Variants in TENT4A observed in about 807,000 individuals in gnomAD.
TENT4A encodes terminal nucleotidyltransferase 4A, also known as DNA polymerase kappa.
TENT4A carries 7 observed loss-of-function variants against 72.8 expected under a neutral mutation model. The ratio of observed to expected loss-of-function variants is 0.10; its 90% CI spans 0.05 to 0.18. The LOEUF (loss-of-function observed/expected upper bound fraction) is 0.18. Ranked by LOEUF, TENT4A falls within the 10% of genes least tolerant of loss-of-function variation. The pLI, the probability that TENT4A is intolerant of heterozygous loss-of-function variation, is 1.00. For synonymous variants in TENT4A, 456 were observed against 434.3 expected (o/e 1.05, Z -0.62); for missense variants, 831 against 1,017.7 (o/e 0.82, Z 2.50).
At chr5:6,738,278 G>A (rs2126633984) in intron 2 of TENT4A, among the ~76,000 whole-genome samples, 1 of 152,192 alleles carries the variant, frequency 6.6e-6, no homozygotes, top group South Asian at 2.1e-4. Context: ...GTGGGCAAGG[G>A]CAACCCAGTT....
chr5:6,743,894 C>T, intron 6 of TENT4A, 54 bp downstream of exon 6: 2 of 1,559,866 alleles, frequency 1.3e-6, no homozygotes, highest in Non-Finnish European at 1.7e-6. Flanking sequence ...AGAGTAGACT[C>T]TTCCAACCAG....
At chr5:6,722,825 A>G (rs1740727311) in intron 1 of TENT4A, among the ~76,000 whole-genome samples, 1 of 152,354 alleles carries the variant, frequency 6.6e-6, no homozygotes, top group Middle Eastern at 3.4e-3. Context: ...GCCAGGGAAC[A>G]TTAAGTAGGC....
At chr5:6,744,685 A>G (rs4702385) in intron 6 of TENT4A, among the ~76,000 whole-genome samples, 12,170 of 152,246 alleles carry the variant, frequency 0.08, 719 homozygotes, top group African/African-American at 0.16. Flanking sequence ...GATGCTTTAA[A>G]AGTAGTGAAA....
chr5:6,735,707 G>A (rs1741443129), intron 1 of TENT4A, among the ~76,000 whole-genome samples: 2 of 151,862 alleles, frequency 1.3e-5, no homozygotes, highest in Admixed American at 1.3e-4. Context: ...GTTAACAGCT[G>A]GACTGGTGGC....
At chr5:6,737,407 G>T in intron 1 of TENT4A, 103 bp from the exon 2 acceptor site, 3 of 1,049,060 alleles carry the variant, frequency 2.9e-6, no homozygotes, top group Non-Finnish European at 4.1e-6. Context: ...ACTGAATTTC[G>T]TGGCCAGAAA....
chr5:6,732,684 T>G (rs973168019), intron 1 of TENT4A, among the ~76,000 whole-genome samples: 1 of 152,220 alleles, frequency 6.6e-6, no homozygotes, highest in South Asian at 2.1e-4. Context: ...TAGGAAATAA[T>G]GCTTCAGAAT....
chr5:6,731,819 G>A (rs879823122), intron 1 of TENT4A, among the ~76,000 whole-genome samples: 1 of 152,172 alleles, frequency 6.6e-6, no homozygotes, highest in Non-Finnish European at 1.5e-5. Context: ...CTTAAAAGAA[G>A]CTACTGGATT....
intron 10 of TENT4A, 102 bp from the exon 11 acceptor site, chr5:6,750,937 A>G (rs1742365326): frequency 5.3e-6 from 7 of 1,312,216 alleles, no homozygotes; most frequent in Non-Finnish European, 7.5e-6. Context: ...ATAACCTTTC[A>G]TAGCCAGCCT....
intron 1 of TENT4A, among the ~76,000 whole-genome samples, chr5:6,725,851 A>G (rs1429421740): frequency 2.0e-5 from 3 of 152,196 alleles, no homozygotes; most frequent in Non-Finnish European, 4.4e-5. Flanking sequence ...TAAATTTGCC[A>G]AATTATTAAT....
intron 10 of TENT4A, 124 bp downstream of exon 10, chr5:6,750,627 G>C (rs1168828027): frequency 1.1e-6 from 1 of 903,458 alleles, no homozygotes; most frequent in African/African-American, 1.7e-5. Context: ...GTATGTGTGT[G>C]GAGGTGGGTG....
rs1335734659 is a variant in TENT4A, at chr5:6,713,968, C to T, written c.-16C>T. The stretch of plus-strand genomic sequence containing the variant: ...GGGGCGGGCGGGCGCGCGGGCCCCG[C>T]GGGGGCGGCGCGTGGATGGATCCGC... On this transcript the variant is annotated 5_prime_UTR_variant, in exon 1 of 13. Transcript: ENST00000230859. 8 of 967,538 alleles carry T rather than the reference C, an allele frequency of 8.3e-6. No homozygotes were observed. The East Asian group carries it at 7.0e-4, about 85-fold the overall frequency. 59.9% of individuals were successfully genotyped at this position (967,538 alleles called of 1,614,324 possible).
chr5:6,744,167 C>G (rs1741961994), intron 6 of TENT4A, among the ~76,000 whole-genome samples: 1 of 152,124 alleles, frequency 6.6e-6, no homozygotes, highest in Non-Finnish European at 1.5e-5. Flanking sequence ...TGGTGCTTGT[C>G]TGTGATTTAT....
rs750528239 is a variant in TENT4A at position 6,748,436 on chromosome 5, AG to A, written c.1460-25del. 16 of 1,611,826 alleles carry A rather than the reference AG, an allele frequency of 9.9e-6. No individual in the cohort carries two copies. In the Admixed American group the frequency reaches 2.7e-4, roughly 27 times the overall value. On this transcript the variant is annotated intron_variant, in intron 7 of 12. Transcript: ENST00000230859. ...TGTGGACGATGGTGTGCATGTGGGG[AG>A]GGTCTGACATAGCCTTTTTGCTGCA...
chr5:6,750,395 G>A lies in TENT4A; in HGVS notation c.1752G>A (p.Glu584=). The A allele has an allele frequency of 6.2e-7, 1 of 1,613,248 alleles. No homozygotes were observed. The highest frequency in any genetic ancestry group is 8.5e-7 in the Non-Finnish European group (1 of 1,179,592). Residue 584 remains glutamate (E), a synonymous_variant, in exon 10 of 13, where the codon GAG becomes GAA. Transcript: ENST00000230859. ...ATGGGGAGCAGACGCAGAACCGAGAGCCCGAGTCTCCCTATGGCCAGCGCT... is the reference window on the plus strand; with the variant it reads ...ATGGGGAGCAGACGCAGAACCGAGAACCCGAGTCTCCCTATGGCCAGCGCT... ...TCNGEQTQNR[E]PESPYGQRLT...
intron 1 of TENT4A, among the ~76,000 whole-genome samples, chr5:6,725,367 GTGA>G (rs1273942835): frequency 6.6e-6 from 1 of 152,204 alleles, no homozygotes; most frequent in Non-Finnish European, 1.5e-5. Context: ...TTCCAGAGAA[GTGA>G]TGTCTGTCTT....
At chr5:6,753,440 G>A (rs747509932) in intron 12 of TENT4A, among the ~76,000 whole-genome samples, 5 of 152,236 alleles carry the variant, frequency 3.3e-5, no homozygotes, top group East Asian at 1.9e-4. Context: ...TCATTCCCAC[G>A]TTGCCTGATC....
intron 4 of TENT4A, among the ~76,000 whole-genome samples, chr5:6,741,557 T>C (rs942717576): frequency 3.3e-5 from 5 of 152,212 alleles, no homozygotes; most frequent in Admixed American, 3.3e-4. Context: ...ATGAGTTCTT[T>C]GGGAAAGTAT....
chr5:6,748,807 T>A (rs905342624), intron 8 of TENT4A, among the ~76,000 whole-genome samples: 1 of 152,308 alleles, frequency 6.6e-6, no homozygotes, highest in East Asian at 1.9e-4. Context: ...TCTTGGAGAT[T>A]TGACATTTTC....
At chr5:6,735,465 C>T (rs1579472499) in intron 1 of TENT4A, among the ~76,000 whole-genome samples, 4 of 152,290 alleles carry the variant, frequency 2.6e-5, no homozygotes, top group Admixed American at 2.6e-4. Context: ...GAGAGGCTGG[C>T]CTGTGGCTCT....
Sources: gnomAD v4.1 joint callset for allele counts (sites outside exome capture counted in the v4.1 genomes callset) on GRCh38, gnomAD v4.1.1 for gene constraint, MANE v1.5 for transcripts, NCBI Gene and HGNC (gene_info 2026-07-23, HGNC 2026-07-21) for gene names.